Variants in ERC2 observed in about 807,000 individuals in gnomAD.
The protein encoded by ERC2 is ELKS/RAB6-interacting/CAST family member 2, also known as ERC protein 2.
ERC2 carries 42 observed loss-of-function variants against 114.8 expected under a neutral mutation model. That is an observed-to-expected ratio of 0.37 (90% CI 0.29 to 0.47). ERC2 has a LOEUF of 0.47. Ranked by LOEUF, ERC2 falls within the 20% of genes least tolerant of loss-of-function variation. The pLI, the probability that ERC2 is intolerant of heterozygous loss-of-function variation, is 0.99. For synonymous variants in ERC2, 454 were observed against 425.5 expected (o/e 1.07, Z -0.82); for missense variants, 939 against 1,150.7 (o/e 0.82, Z 2.66).
chr3:56,036,965 A>G (rs1282968906), intron 7 of ERC2, among the ~76,000 whole-genome samples: 1 of 152,178 alleles, frequency 6.6e-6, no homozygotes, highest in Admixed American at 6.5e-5. Context: ...CTGACTGTTA[A>G]AAGAGAAACA....
chr3:55,803,048 T>C (rs6782276), intron 14 of ERC2, among the ~76,000 whole-genome samples: 31,454 of 152,088 alleles, frequency 0.21, 3,471 homozygotes, highest in Middle Eastern at 0.3. Context: ...GTTCTGAAGC[T>C]GGGGAAAAAT....
intron 14 of ERC2, among the ~76,000 whole-genome samples, chr3:55,814,267 A>T (rs1393220036): frequency 6.6e-6 from 1 of 152,180 alleles, no homozygotes; most frequent in Non-Finnish European, 1.5e-5. Context: ...GGGTTATTTC[A>T]TGTACATTTT....
chr3:55,704,615 A>C (rs2063387897), intron 15 of ERC2, among the ~76,000 whole-genome samples: 1 of 152,166 alleles, frequency 6.6e-6, no homozygotes, highest in African/African-American at 2.4e-5. Context: ...TGGCTAGGAG[A>C]GGAGAGATTT....
intron 13 of ERC2, among the ~76,000 whole-genome samples, chr3:55,927,737 T>G (rs2065831294): frequency 6.6e-6 from 1 of 152,112 alleles, no homozygotes; most frequent in African/African-American, 2.4e-5. Context: ...CCATCCCCAC[T>G]CCCCGACTCC....
chr3:55,897,007 T>G lies in ERC2; in HGVS notation c.2404-8458A>C, dbSNP rs143714273. On this transcript the variant is annotated intron_variant, in intron 13 of 17. Transcript: ENST00000288221. ...GTTCACTTTCAGAATAATGAAGTCA[T>G]CACCTGGCTTTCTAAAAAGTCCAGT... 1.8e-3 allele frequency among the ~76,000 whole-genome samples: 277 copies of G among 152,372 alleles called. 2 individuals carry two copies. Among genetic ancestry groups the G allele is most frequent in the African/African-American group, 5.7e-3 (237 of 41,586 alleles).
At chr3:56,156,912 G>A (rs189096076) in intron 4 of ERC2, among the ~76,000 whole-genome samples, 31 of 152,170 alleles carry the variant, frequency 2.0e-4, no homozygotes, top group Non-Finnish European at 4.3e-4. Context: ...TTATTTGTAA[G>A]CTCCTCAGCT....
At chr3:55,581,792 G>A (rs752300835) in intron 17 of ERC2, among the ~76,000 whole-genome samples, 2 of 152,150 alleles carry the variant, frequency 1.3e-5, no homozygotes, top group Non-Finnish European at 2.9e-5. Flanking sequence ...AGCAACCTCT[G>A]TTCTCACTTC....
intron 7 of ERC2, among the ~76,000 whole-genome samples, chr3:56,039,636 G>GAA (rs200497029): frequency 3.3e-5 from 5 of 150,920 alleles, no homozygotes; most frequent in Admixed American, 6.6e-5. Flanking sequence ...CACAGAAATA[G>GAA]AAAAAAAAAT....
chr3:55,887,467 G>A (rs1331991929), intron 14 of ERC2, among the ~76,000 whole-genome samples: 1 of 149,208 alleles, frequency 6.7e-6, no homozygotes, highest in Admixed American at 6.6e-5. Flanking sequence ...CAAAGTCTGT[G>A]TTATAGGCTT....
intron 9 of ERC2, among the ~76,000 whole-genome samples, chr3:56,008,697 C>T (rs2072689461): frequency 6.6e-6 from 1 of 152,138 alleles, no homozygotes; most frequent in Non-Finnish European, 1.5e-5. Context: ...GTAGACATGA[C>T]TAAAATCTAC....
chr3:56,398,809 G>A (rs573277272), intron 2 of ERC2, among the ~76,000 whole-genome samples: 1 of 152,244 alleles, frequency 6.6e-6, no homozygotes, highest in African/African-American at 2.4e-5. Flanking sequence ...ATTTGAGACA[G>A]GATCTTGCTA....
At position 56,139,696 on chromosome 3, in the gene ERC2, T is replaced by C. The variant is rs777516016; in HGVS notation, c.1306-20A>G. 34 of 1,571,980 alleles carry C rather than the reference T, an allele frequency of 2.2e-5. No homozygotes were observed. The East Asian group carries it at 4.9e-4, about 23-fold the overall frequency. On this transcript the variant is annotated intron_variant, in intron 5 of 17. Transcript: ENST00000288221. ...ATCAATCTGCAAAACAACAACAAAATTGCAAGAAATTAGAAATTGCTGCCC... is the reference window on the plus strand; with the variant it reads ...ATCAATCTGCAAAACAACAACAAAACTGCAAGAAATTAGAAATTGCTGCCC...
chr3:55,962,088 A>G (rs111562442), intron 12 of ERC2, among the ~76,000 whole-genome samples: 140 of 152,320 alleles, frequency 9.2e-4, no homozygotes, highest in Non-Finnish European at 1.5e-3. Context: ...TCATTCCTAG[A>G]AAGCTAATTT....
At chr3:55,871,240 AG>A (rs2062570312) in intron 14 of ERC2, among the ~76,000 whole-genome samples, 1 of 152,198 alleles carries the variant, frequency 6.6e-6, no homozygotes. Flanking sequence ...GGAGGTCCTC[AG>A]TTATTGCTCA....
intron 2 of ERC2, among the ~76,000 whole-genome samples, chr3:56,386,985 C>T (rs1473887368): frequency 6.6e-6 from 1 of 152,144 alleles, no homozygotes; most frequent in East Asian, 1.9e-4. Flanking sequence ...GTGAGAGGGA[C>T]CTGCGTGGTT....
chr3:55,519,765 G>A (rs557251354), intron 17 of ERC2, among the ~76,000 whole-genome samples: 4 of 152,266 alleles, frequency 2.6e-5, no homozygotes, highest in Admixed American at 2.6e-4. Context: ...GGACATCATG[G>A]TTCATGCCTG....
intron 17 of ERC2, among the ~76,000 whole-genome samples, chr3:55,575,820 C>G (rs891463134): frequency 6.6e-6 from 1 of 152,228 alleles, no homozygotes; most frequent in Non-Finnish European, 1.5e-5. Context: ...CAAACCCTGC[C>G]TGGGACTTTG....
chr3:56,421,100 T>C (rs2061373158), intron 2 of ERC2, among the ~76,000 whole-genome samples: 1 of 151,776 alleles, frequency 6.6e-6, no homozygotes, highest in Admixed American at 6.6e-5. Context: ...AGGTAGGGAG[T>C]GAAGAGGTGA....
chr3:56,062,983 A>T (rs1302206179), intron 7 of ERC2, among the ~76,000 whole-genome samples: 1 of 152,208 alleles, frequency 6.6e-6, no homozygotes, highest in African/African-American at 2.4e-5. Context: ...TATGACAGAG[A>T]TTGTTTCATA....
Sources: gnomAD v4.1 joint callset for allele counts (sites outside exome capture counted in the v4.1 genomes callset) on GRCh38, gnomAD v4.1.1 for gene constraint, MANE v1.5 for transcripts, NCBI Gene and HGNC (gene_info 2026-07-23, HGNC 2026-07-21) for gene names.